Variants in WNK2 observed in about 807,000 individuals in gnomAD.
WNK2 encodes serine/threonine-protein kinase WNK2.
WNK2 carries 67 observed loss-of-function variants against 192.1 expected under a neutral mutation model. That is an observed-to-expected ratio of 0.35 (90% CI 0.29 to 0.43). The LOEUF (loss-of-function observed/expected upper bound fraction) is 0.43. WNK2 is among the 20% of genes least tolerant of loss of function. The pLI, the probability that WNK2 is intolerant of heterozygous loss-of-function variation, is 1.00. For missense variants in WNK2, 2,698 were observed against 3,089.7 expected (o/e 0.87, Z 3.01); for synonymous variants, 1,439 against 1,393.9 (o/e 1.03, Z -0.72).
intron 9 of WNK2, among the ~76,000 whole-genome samples, chr9:93,255,132 C>G (rs1443602986): frequency 6.6e-6 from 1 of 152,210 alleles, no homozygotes; most frequent in East Asian, 1.9e-4. Flanking sequence ...CCTAGTGACA[C>G]AGAGACAACT....
intron 19 of WNK2, among the ~76,000 whole-genome samples, chr9:93,269,968 C>T (rs1376650780): frequency 6.6e-6 from 1 of 152,214 alleles, no homozygotes; most frequent in Non-Finnish European, 1.5e-5. Flanking sequence ...AATTATTAGG[C>T]TGGGGTCCTG....
chr9:93,254,762 CA>C (rs1356738741), intron 9 of WNK2, among the ~76,000 whole-genome samples: 1 of 151,958 alleles, frequency 6.6e-6, no homozygotes, highest in Admixed American at 6.6e-5. Context: ...CCAAGAGTTC[CA>C]GGCCAGCCTG....
chr9:93,248,590 G>T (rs1002170522), intron 8 of WNK2, among the ~76,000 whole-genome samples: 2 of 152,192 alleles, frequency 1.3e-5, no homozygotes, highest in East Asian at 3.9e-4. Context: ...TGGTGTTGCC[G>T]TGGGGACCTC....
Position 93,297,964 on chromosome 9 carries a change from A to T in WNK2, c.5820A>T (p.Ala1940=). 1 of 1,575,090 alleles carries T rather than the reference A, an allele frequency of 6.3e-7. No homozygotes were observed. The highest frequency in any genetic ancestry group is 8.6e-7 in the Non-Finnish European group (1 of 1,161,778). Residue 1940 remains alanine (A), a synonymous_variant, in exon 24 of 30, where the codon GCA becomes GCT. Transcript: ENST00000427277. ...CCAACGTGGGCTTCTTCCACACGGC[A>T]CCCCCCACTGGCCGCCGGAGAAAAA... ...LPPNVGFFHT[A]PPTGRRRKTS...
At chr9:93,232,858 G>A (rs1044310414) in intron 4 of WNK2, among the ~76,000 whole-genome samples, 3 of 148,926 alleles carry the variant, frequency 2.0e-5, no homozygotes, top group Non-Finnish European at 4.4e-5. Flanking sequence ...AACCAGGAGT[G>A]TCCTCAGCTG....
chr9:93,248,341 T>C (rs1021068396), intron 8 of WNK2, among the ~76,000 whole-genome samples: 6 of 152,244 alleles, frequency 3.9e-5, no homozygotes, highest in African/African-American at 1.4e-4. Context: ...CTCAATGAAG[T>C]TCATGTTCTC....
chr9:93,190,441 T>C (rs557918946), intron 2 of WNK2, among the ~76,000 whole-genome samples: 6 of 152,348 alleles, frequency 3.9e-5, no homozygotes, highest in African/African-American at 1.4e-4. Flanking sequence ...CAGGCCACCA[T>C]GGGACTCGAG....
At chr9:93,243,262 C>T (rs1243531736) in intron 7 of WNK2, among the ~76,000 whole-genome samples, 5 of 152,208 alleles carry the variant, frequency 3.3e-5, no homozygotes, top group African/African-American at 1.2e-4. Context: ...ACTGCGACTC[C>T]TCCCTGCTTT....
intron 28 of WNK2, among the ~76,000 whole-genome samples, chr9:93,314,258 GGC>G (rs1854195415): frequency 6.6e-6 from 1 of 152,116 alleles, no homozygotes; most frequent in Non-Finnish European, 1.5e-5. Context: ...CTCCAGCCTG[GGC>G]GACAAGAGCA....
rs1433615279 is a variant in WNK2, at chr9:93,289,246, C to T, written c.4492C>T (p.Pro1498Ser). The change falls in exon 20 of 30, where the codon CCC becomes TCC. Residue 1498 changes from proline (P) to serine (S), a missense_variant. By Grantham distance (74) the Pro-to-Ser change is moderately conservative (BLOSUM62 -1). Transcript: ENST00000427277. ...TPQPALGQPA[P>S]LLPAAVGAVS... is the part of the protein sequence containing the mutation. The stretch of plus-strand genomic sequence containing the variant: ...ACAGCCCGCCTTGGGTCAACCTGCT[C>T]CCCTGCTTCCTGCCGCAGTGGGGGC... The T allele has an allele frequency of 3.1e-6, 5 of 1,604,566 alleles. No homozygotes were observed. The highest frequency in any genetic ancestry group is 4.2e-6 in the Non-Finnish European group (5 of 1,177,768).
intron 9 of WNK2, among the ~76,000 whole-genome samples, chr9:93,253,978 G>T (rs1326872090): frequency 6.6e-6 from 1 of 152,050 alleles, no homozygotes; most frequent in African/African-American, 2.4e-5. Flanking sequence ...GTGCAGTGGC[G>T]TGATCTCAGC....
At chr9:93,317,485 G>C (rs1009148978) in intron 28 of WNK2, 35 bp from the exon 29 acceptor site, 5 of 1,607,810 alleles carry the variant, frequency 3.1e-6, no homozygotes, top group African/African-American at 1.3e-5. Flanking sequence ...TTGCAGCCAC[G>C]TGTACCTTCC....
At chr9:93,293,312 G>GTGA (rs1849680983) in intron 23 of WNK2, 139 bp downstream of exon 23, 2 of 595,594 alleles carry the variant, frequency 3.4e-6, no homozygotes, top group Non-Finnish European at 5.2e-6. Context: ...GGACAGGGGA[G>GTGA]TGATGAAGGC....
At chr9:93,208,456 GT>G (rs1833788182) in intron 2 of WNK2, among the ~76,000 whole-genome samples, 1 of 151,976 alleles carries the variant, frequency 6.6e-6, no homozygotes, top group Non-Finnish European at 1.5e-5. Context: ...GTGTCACCAT[GT>G]TTGCATGTTC....
At chr9:93,244,998 T>C (rs1016727917) in intron 7 of WNK2, among the ~76,000 whole-genome samples, 1 of 152,114 alleles carries the variant, frequency 6.6e-6, no homozygotes, top group South Asian at 2.1e-4. Flanking sequence ...GCCGTAAGCT[T>C]CTGTCCCACC....
At chr9:93,265,349 T>C (rs1260680694) in intron 16 of WNK2, among the ~76,000 whole-genome samples, 1 of 152,072 alleles carries the variant, frequency 6.6e-6, no homozygotes, top group African/African-American at 2.4e-5. Flanking sequence ...TGGGGGTGGG[T>C]GAGAGGCTTT....
chr9:93,289,762 T>A, intron 20 of WNK2, 142 bp downstream of exon 20: 1 of 947,992 alleles, frequency 1.1e-6, no homozygotes, highest in South Asian at 1.8e-5. Context: ...CCCACCCACG[T>A]GTGTTTGACT....
At chr9:93,278,587 T>C (rs1313525558) in intron 19 of WNK2, among the ~76,000 whole-genome samples, 5 of 152,242 alleles carry the variant, frequency 3.3e-5, no homozygotes. Flanking sequence ...GAAGATCCAA[T>C]TGTTTCAAGG....
At chr9:93,320,248 T>C in intron 29 of WNK2, 119 bp from the exon 30 acceptor site, 3 of 1,161,576 alleles carry the variant, frequency 2.6e-6, no homozygotes, top group Non-Finnish European at 3.5e-6. Flanking sequence ...GCGTGGGTCA[T>C]GGCAGAGCTG....
Sources: allele counts gnomAD v4.1 joint callset (sites outside exome capture counted in the v4.1 genomes callset), GRCh38; gene constraint gnomAD v4.1.1; transcripts MANE v1.5; gene names NCBI Gene and HGNC (gene_info 2026-07-23, HGNC 2026-07-21).